ARMC1: variants seen among roughly 807,000 people sequenced by gnomAD.
ARMC1 encodes armadillo repeat-containing protein 1.
In ARMC1, 16 loss-of-function variants were observed where a neutral mutation model predicts 31.4. That is an observed-to-expected ratio of 0.51 (90% confidence interval 0.34 to 0.77). ARMC1 has a LOEUF of 0.77. Ranked by LOEUF, ARMC1 falls within the 30% of genes least tolerant of loss-of-function variation. ARMC1 has a pLI of 0.01. For missense variants in ARMC1, 259 were observed against 347.5 expected (o/e 0.75, Z 2.02); for synonymous variants, 114 against 118.9 (o/e 0.96, Z 0.27).
At chr8:65,623,193 A>T (rs1808431549) in intron 2 of ARMC1, among the ~76,000 whole-genome samples, 1 of 150,928 alleles carries the variant, frequency 6.6e-6, no homozygotes, top group Non-Finnish European at 1.5e-5. Context: ...CTGTAATCCC[A>T]GCTACTCAGG....
In ARMC1 at chr8:65,613,391, G is replaced by A; in HGVS notation, c.318C>T (p.Ile106=). ...PGETKLLASE[I]YDILQSSNMA... Reference sequence around the variant, plus strand: ...TATTGGAGGACTGAAGAATGTCATAGATTTCAGAGGCCAGAAGTTTTGTTT... The same window carrying A: ...TATTGGAGGACTGAAGAATGTCATAAATTTCAGAGGCCAGAAGTTTTGTTT... Residue 106 remains isoleucine, a synonymous_variant, in exon 4 of 7, where the codon ATC becomes ATT. Coordinates refer to ENST00000276569, the MANE Select transcript of ARMC1 (RefSeq NM_018120.6). 6.2e-7 allele frequency: 1 copy of A among 1,605,540 alleles called. No homozygotes were observed. The highest frequency in any genetic ancestry group is 1.1e-5 in the South Asian group (1 of 88,900).
At chr8:65,612,204 G>A (rs1166105945) in intron 4 of ARMC1, among the ~76,000 whole-genome samples, 3 of 152,186 alleles carry the variant, frequency 2.0e-5, no homozygotes, top group African/African-American at 4.8e-5. Context: ...GTTCATGCCT[G>A]TAATCCGAGC....
chr8:65,630,170 G>A (rs906074144), intron 1 of ARMC1, among the ~76,000 whole-genome samples: 18 of 152,004 alleles, frequency 1.2e-4, no homozygotes, highest in Admixed American at 1.3e-4. Context: ...AAATCGCTGT[G>A]AGTAAATTTC....
At chr8:65,608,421 T>C (rs923021762) in intron 4 of ARMC1, among the ~76,000 whole-genome samples, 2 of 151,798 alleles carry the variant, frequency 1.3e-5, no homozygotes, top group Non-Finnish European at 2.9e-5. Flanking sequence ...CCCAGCTACT[T>C]GGGAGGCTGA....
chr8:65,608,223 T>G (rs923717471), intron 4 of ARMC1, among the ~76,000 whole-genome samples: 8 of 152,130 alleles, frequency 5.3e-5, no homozygotes, highest in African/African-American at 1.9e-4. Flanking sequence ...ATTATAATAT[T>G]GTGATTAAAA....
chr8:65,617,338 T>C (rs922251972), intron 3 of ARMC1, among the ~76,000 whole-genome samples: 2 of 152,236 alleles, frequency 1.3e-5, no homozygotes, highest in African/African-American at 4.8e-5. Flanking sequence ...TGGTGCTCTC[T>C]GAAACATGTG....
At position 65,622,396 on chromosome 8, in the gene ARMC1, T is replaced by C. The variant is rs771085605; in HGVS notation, c.184-42A>G. 10 of 1,501,062 alleles carry C rather than the reference T, an allele frequency of 6.7e-6. No homozygotes were observed. In the African/African-American group the frequency reaches 1.4e-4, roughly 21 times the overall value. 93.0% of individuals were successfully genotyped at this position (1,501,062 alleles called of 1,614,324 possible). A position where few individuals can be genotyped will look rare whatever the true frequency, so the allele number is the denominator to read the frequency against. ...AATAAGTTAATTCGTCTGTCCAGAC[T>C]ATTCAAAATTGAAACTACTACTAAT... On this transcript the variant is annotated intron_variant, in intron 2 of 6. Transcript: ENST00000276569.
At chr8:65,605,618 A>AG in intron 4 of ARMC1, 80 bp from the exon 5 acceptor site, 9 of 982,056 alleles carry the variant, frequency 9.2e-6, no homozygotes, top group Non-Finnish European at 1.4e-5. Flanking sequence ...TATATTTTGG[A>AG]GGGGGGAAGA....
At chr8:65,610,280 G>T (rs1808104943) in intron 4 of ARMC1, among the ~76,000 whole-genome samples, 1 of 151,746 alleles carries the variant, frequency 6.6e-6, no homozygotes, top group South Asian at 2.1e-4. Flanking sequence ...TGTATCTTTA[G>T]TAGAGACGGG....
chr8:65,626,935 A>C (rs1034301056), intron 2 of ARMC1, among the ~76,000 whole-genome samples: 2 of 151,946 alleles, frequency 1.3e-5, no homozygotes, highest in South Asian at 4.1e-4. Context: ...GGGATGGTTT[A>C]AGCCCAGGAG....
chr8:65,630,583 C>T (rs1363970313), intron 1 of ARMC1, among the ~76,000 whole-genome samples: 1 of 152,138 alleles, frequency 6.6e-6, no homozygotes, highest in African/African-American at 2.4e-5. Flanking sequence ...CTTTGGGAGG[C>T]CAATGCAGCC....
intron 3 of ARMC1, among the ~76,000 whole-genome samples, chr8:65,619,809 T>G (rs1043840297): frequency 3.3e-5 from 5 of 151,012 alleles, no homozygotes; most frequent in Admixed American, 6.6e-5. Flanking sequence ...CATGGTCAAA[T>G]CCTGTCTCTA....
intron 3 of ARMC1, among the ~76,000 whole-genome samples, chr8:65,617,850 GAA>G (rs10718331): frequency 8.3e-4 from 119 of 143,144 alleles, no homozygotes; most frequent in African/African-American, 2.2e-3. Context: ...TTATTAAAAA[GAA>G]AAAAAAAAAA....
At chr8:65,628,091 ACATAATT>A (rs1456796095) in intron 1 of ARMC1, among the ~76,000 whole-genome samples, 1 of 152,226 alleles carries the variant, frequency 6.6e-6, no homozygotes, top group Non-Finnish European at 1.5e-5. Flanking sequence ...GTAGAATTTG[ACATAATT>A]CATTTGCCAG....
chr8:65,623,395 G>A (rs1037642453), intron 2 of ARMC1, among the ~76,000 whole-genome samples: 1 of 151,038 alleles, frequency 6.6e-6, no homozygotes, highest in African/African-American at 2.4e-5. Context: ...GATCACTTAA[G>A]GTCAGGAGTT....
chr8:65,616,507 C>A (rs1189342246), intron 3 of ARMC1, among the ~76,000 whole-genome samples: 1 of 152,232 alleles, frequency 6.6e-6, no homozygotes, highest in Non-Finnish European at 1.5e-5. Flanking sequence ...CAGCCGCCTG[C>A]CTTGGCCTCC....
In ARMC1 at chr8:65,605,349, TA is replaced by T; in HGVS notation, c.583-13del. ...GCTGATGCCAAAGCCTAAGCCAAGA[TA>T]AAAAGGAACAATTTTGAAATTGATT... On this transcript the variant is annotated splice_polypyrimidine_tract_variant and intron_variant, in intron 5 of 6. Transcript: ENST00000276569. 6.2e-7 allele frequency: 1 copy of T among 1,613,590 alleles called. No individual in the cohort carries two copies. Among genetic ancestry groups the T allele is most frequent in the Non-Finnish European group, 8.5e-7 (1 of 1,179,808 alleles).
intron 2 of ARMC1, among the ~76,000 whole-genome samples, chr8:65,624,794 C>T (rs1297851663): frequency 1.3e-5 from 2 of 152,032 alleles, no homozygotes; most frequent in Non-Finnish European, 2.9e-5. Context: ...TACTAATAAG[C>T]TAACAGTGAC....
At chr8:65,622,731 C>T (rs565229379) in intron 2 of ARMC1, among the ~76,000 whole-genome samples, 8 of 148,198 alleles carry the variant, frequency 5.4e-5, no homozygotes, top group African/African-American at 7.4e-5. Flanking sequence ...AAAAAGGTGG[C>T]GGGGGGAACG....
Sources: gnomAD v4.1 joint callset for allele counts (sites outside exome capture counted in the v4.1 genomes callset) on GRCh38, gnomAD v4.1.1 for gene constraint, MANE v1.5 for transcripts, NCBI Gene and HGNC (gene_info 2026-07-23, HGNC 2026-07-21) for gene names.